The following HMGB1 variants were observed in gnomAD, a reference collection of about 807,000 sequenced individuals.
HMGB1 encodes the protein high mobility group box 1.
For synonymous variants in HMGB1, 81 were observed against 84.0 expected, an observed-to-expected ratio of 0.96 and a Z score of 0.19; for missense variants, 79 against 253.5, an observed-to-expected ratio of 0.31 and a Z score of 4.67.
At position 30,564,729 on chromosome 13, in the gene HMGB1, G is replaced by C. The variant is rs189861376; in HGVS notation, c.-15+51942C>G. ...GTACTTTTATCTCTCCAACATTCAT[G>C]ATTGCAATTTTTCAAATTAACCTCA... On this transcript the variant is annotated intron_variant, in intron 1 of 4. Coordinates refer to the HMGB1 transcript ENST00000405805. Among the ~76,000 whole-genome samples the C allele has an allele frequency of 2.0e-4, 31 of 152,262 alleles. No homozygotes were observed. In the East Asian group the frequency reaches 5.6e-3, roughly 27 times the overall value.
intron 1 of HMGB1, among the ~76,000 whole-genome samples, chr13:30,596,455 T>C (rs1278850844): frequency 6.6e-6 from 1 of 152,178 alleles, no homozygotes; most frequent in African/African-American, 2.4e-5. Flanking sequence ...AGTCACAGAA[T>C]CATGGAATCC....
intron 1 of HMGB1, among the ~76,000 whole-genome samples, chr13:30,472,611 A>T (rs1470136875): frequency 7.4e-6 from 1 of 134,434 alleles, no homozygotes; most frequent in Non-Finnish European, 1.6e-5. Context: ...AAAACAAAAC[A>T]AAACAATACA....
At chr13:30,560,500 G>C (rs765993553) in intron 1 of HMGB1, among the ~76,000 whole-genome samples, 47 of 152,196 alleles carry the variant, frequency 3.1e-4, no homozygotes, top group Non-Finnish European at 5.7e-4. Flanking sequence ...AAGGTTAGGA[G>C]AATTAGGTCA....
intron 1 of HMGB1, among the ~76,000 whole-genome samples, chr13:30,532,193 G>A (rs1020299783): frequency 3.3e-5 from 5 of 151,546 alleles, no homozygotes; most frequent in African/African-American, 4.8e-5. Context: ...AAAATTAGCC[G>A]GCATGGTGGT....
intron 1 of HMGB1, among the ~76,000 whole-genome samples, chr13:30,519,683 A>G (rs1024190435): frequency 3.5e-5 from 5 of 143,006 alleles, no homozygotes; most frequent in Middle Eastern, 3.5e-3. Flanking sequence ...CTGGGCGACA[A>G]AGCAAGACTC....
intron 1 of HMGB1, among the ~76,000 whole-genome samples, chr13:30,487,158 T>G (rs1474206163): frequency 2.0e-5 from 3 of 152,206 alleles, no homozygotes; most frequent in Admixed American, 2.0e-4. Flanking sequence ...GGAGAGATCC[T>G]GGTGTCTTTT....
At chr13:30,594,470 G>A (rs948637883) in intron 1 of HMGB1, among the ~76,000 whole-genome samples, 2 of 152,176 alleles carry the variant, frequency 1.3e-5, no homozygotes, top group Non-Finnish European at 2.9e-5. Flanking sequence ...ACAAGTGAGA[G>A]CATGCAGTAT....
At chr13:30,575,218 T>C (rs1010709782) in intron 1 of HMGB1, among the ~76,000 whole-genome samples, 1 of 152,210 alleles carries the variant, frequency 6.6e-6, no homozygotes, top group Non-Finnish European at 1.5e-5. Flanking sequence ...ATACAAACCA[T>C]GATGGTGGTT....
chr13:30,558,531 A>T (rs1042903149), intron 1 of HMGB1, among the ~76,000 whole-genome samples: 30 of 152,192 alleles, frequency 2.0e-4, no homozygotes, highest in Admixed American at 9.2e-4. Context: ...AGATGAAAAA[A>T]TGTTCAACCT....
At chr13:30,578,315 T>A (rs1360299107) in intron 1 of HMGB1, among the ~76,000 whole-genome samples, 1 of 151,334 alleles carries the variant, frequency 6.6e-6, no homozygotes, top group African/African-American at 2.4e-5. Flanking sequence ...CCTGTTGGTG[T>A]GTCTTTGTTC....
chr13:30,533,554 G>A lies in HMGB1; in HGVS notation c.-14-69860C>T, dbSNP rs1461116464. Reference sequence around the variant, plus strand: ...TAACTTTTGTATTTTTAGTGGAGACGGGATTTCACCATGTTAGCCAGGCTG... The same window carrying A: ...TAACTTTTGTATTTTTAGTGGAGACAGGATTTCACCATGTTAGCCAGGCTG... On this transcript the variant is annotated intron_variant, in intron 1 of 4. Transcript: ENST00000405805. Among the ~76,000 whole-genome samples the A allele has an allele frequency of 5.3e-5, 8 of 151,692 alleles. 1 individual carries two copies. In the South Asian group the frequency reaches 8.3e-4, roughly 16 times the overall value.
chr13:30,580,848 G>A (rs1361352888), intron 1 of HMGB1, among the ~76,000 whole-genome samples: 1 of 152,140 alleles, frequency 6.6e-6, no homozygotes, highest in African/African-American at 2.4e-5. Context: ...TTTATCCACT[G>A]CTTGTATTTT....
chr13:30,510,147 T>C (rs1196288552), intron 1 of HMGB1, among the ~76,000 whole-genome samples: 1 of 152,162 alleles, frequency 6.6e-6, no homozygotes, highest in Admixed American at 6.5e-5. Context: ...ACTGACCTCA[T>C]AGCCTCAGCC....
intron 1 of HMGB1, among the ~76,000 whole-genome samples, chr13:30,517,539 G>C (rs1411921545): frequency 6.6e-6 from 1 of 152,168 alleles, no homozygotes; most frequent in African/African-American, 2.4e-5. Flanking sequence ...AGAGTAGCTG[G>C]GACTACACCA....
At chr13:30,487,016 T>C (rs534708224) in intron 1 of HMGB1, among the ~76,000 whole-genome samples, 1 of 152,292 alleles carries the variant, frequency 6.6e-6, no homozygotes, top group South Asian at 2.1e-4. Flanking sequence ...ATTTTATTTT[T>C]ATGAAAGAAT....
chr13:30,597,826 C>A (rs1359798223), intron 1 of HMGB1, among the ~76,000 whole-genome samples: 2 of 152,170 alleles, frequency 1.3e-5, no homozygotes, highest in Non-Finnish European at 2.9e-5. Context: ...CCTCAGGTCA[C>A]ATTTGACTCA....
In HMGB1 at chr13:30,463,506, G is replaced by T. The variant is rs766586201; in HGVS notation, c.150+25C>A. ...TTGGAAACTGTCTTTTAATTACCTT[G>T]TTAGCATGTTTTAAGCCCTCTTACC... On this transcript the variant is annotated intron_variant, in intron 2 of 4. Coordinates refer to ENST00000341423, the MANE Select transcript of HMGB1 (RefSeq NM_002128.7). 6 of 1,595,952 alleles carry T rather than the reference G, an allele frequency of 3.8e-6. No individual in the cohort carries two copies. In the Admixed American group the frequency reaches 7.2e-5, roughly 19 times the overall value.
chr13:30,530,712 G>T (rs1248339142), intron 1 of HMGB1, among the ~76,000 whole-genome samples: 3 of 152,162 alleles, frequency 2.0e-5, no homozygotes, highest in Non-Finnish European at 4.4e-5. Flanking sequence ...GTTGTGGAAA[G>T]ACTTTTTTTA....
intron 1 of HMGB1, among the ~76,000 whole-genome samples, chr13:30,574,507 T>C (rs1870564649): frequency 1.3e-5 from 2 of 152,238 alleles, no homozygotes; most frequent in South Asian, 4.1e-4. Flanking sequence ...TTCTTCTCAA[T>C]GTTTACTTTT....
Sources: allele counts gnomAD v4.1 joint callset (sites outside exome capture counted in the v4.1 genomes callset), GRCh38; gene constraint gnomAD v4.1.1; transcripts MANE v1.5; gene names NCBI Gene and HGNC (gene_info 2026-07-23, HGNC 2026-07-21).